The following RGS5 variants were observed in gnomAD, a reference collection of about 807,000 sequenced individuals.
The protein encoded by RGS5 is regulator of G-protein signalling 5.
Under a neutral mutation model 18.9 loss-of-function variants are expected in RGS5, and 20 were observed. That is an observed-to-expected ratio of 1.06 (90% CI 0.74 to 1.54). The LOEUF is 1.54. RGS5 is among the 40% of genes most tolerant of loss of function. RGS5 has a pLI of 0.00. For synonymous variants in RGS5, 57 were observed against 76.2 expected (o/e 0.75, Z 1.31); for missense variants, 201 against 211.8 (o/e 0.95, Z 0.32).
At chr1:163,262,095 A>C (rs1394478090) in intron 2 of RGS5, among the ~76,000 whole-genome samples, 1 of 150,812 alleles carries the variant, frequency 6.6e-6, no homozygotes, top group Non-Finnish European at 1.5e-5. Context: ...TTAGTACTGG[A>C]ATTGAGAAGC....
At chr1:163,203,045 A>T, upstream of RGS5, 1 of 539,456 alleles carries the variant, frequency 1.9e-6, no homozygotes. Flanking sequence ...GAGGTGGAGG[A>T]GGGAATCCTT....
intron 2 of RGS5, among the ~76,000 whole-genome samples, chr1:163,278,575 T>TA (rs1487686288): frequency 6.6e-6 from 1 of 151,450 alleles, no homozygotes; most frequent in Non-Finnish European, 1.5e-5. Context: ...AAAAGAAGGG[T>TA]AAAAAATCAA....
intron 2 of RGS5, among the ~76,000 whole-genome samples, chr1:163,253,926 T>A (rs1436139943): frequency 6.6e-6 from 1 of 151,900 alleles, no homozygotes; most frequent in Non-Finnish European, 1.5e-5. Context: ...TTGCGATAGT[T>A]TACTGAGAAT....
At chr1:163,182,513 T>G (rs1189074903) in intron 1 of RGS5, among the ~76,000 whole-genome samples, 1 of 152,196 alleles carries the variant, frequency 6.6e-6, no homozygotes, top group Non-Finnish European at 1.5e-5. Flanking sequence ...GTCTCTGACA[T>G]GCTATCCCTC....
In RGS5 at chr1:163,279,507, G is replaced by A. The variant is rs1282510826; in HGVS notation, c.-281+26726C>T. Among the ~76,000 whole-genome samples, 18 of 151,788 alleles carry A rather than the reference G, an allele frequency of 1.2e-4. 1 individual carries two copies. The highest frequency in any genetic ancestry group is 4.8e-5 in the African/African-American group (2 of 41,378). On this transcript the variant is annotated intron_variant, in intron 2 of 5. Coordinates refer to the RGS5 transcript ENST00000618415. ...AAAAGCACAACATATAAAAACCTATGGGGCATAGCAAAAGCAGTCCTAAGA... is the reference window on the plus strand; with the variant it reads ...AAAAGCACAACATATAAAAACCTATAGGGCATAGCAAAAGCAGTCCTAAGA...
chr1:163,167,567 A>C (rs1408414232), intron 2 of RGS5, among the ~76,000 whole-genome samples: 1 of 152,188 alleles, frequency 6.6e-6, no homozygotes, highest in East Asian at 1.9e-4. Flanking sequence ...AGGATGCCTA[A>C]ATTGACAGGA....
At chr1:163,174,704 A>C (rs1037299499) in intron 1 of RGS5, among the ~76,000 whole-genome samples, 6 of 152,234 alleles carry the variant, frequency 3.9e-5, no homozygotes, top group African/African-American at 1.4e-4. Context: ...AATCACTAGC[A>C]ATCTGAAAAG....
At chr1:163,217,918 T>A (rs1660253149), upstream of RGS5, among the ~76,000 whole-genome samples, 1 of 152,150 alleles carries the variant, frequency 6.6e-6, no homozygotes, top group African/African-American at 2.4e-5. Context: ...GCAGAACTGA[T>A]TGGACGCAAG....
intron 2 of RGS5, chr1:163,300,481 C>T (rs1649526335): frequency 1.3e-5 from 2 of 152,226 alleles, no homozygotes; most frequent in Admixed American, 1.3e-4. Flanking sequence ...ACCAGGTTAT[C>T]AAGTCCTAAA....
chr1:163,237,033 T>C (rs1015736778), intron 2 of RGS5, among the ~76,000 whole-genome samples: 6 of 151,384 alleles, frequency 4.0e-5, no homozygotes, highest in South Asian at 2.1e-4. Context: ...AAAAGGCACA[T>C]TGAAACCACA....
At chr1:163,192,177 T>C (rs528268842) in intron 1 of RGS5, among the ~76,000 whole-genome samples, 2 of 152,320 alleles carry the variant, frequency 1.3e-5, no homozygotes, top group East Asian at 1.9e-4. Context: ...TATAAATTAT[T>C]GAAGCTAAAG....
intron 1 of RGS5, among the ~76,000 whole-genome samples, chr1:163,215,849 G>A (rs1291682205): frequency 1.3e-5 from 2 of 152,084 alleles, no homozygotes; most frequent in Non-Finnish European, 2.9e-5. Context: ...AGGATCACTA[G>A]AGGCCAGAAG....
intron 2 of RGS5, among the ~76,000 whole-genome samples, chr1:163,247,731 C>T (rs1485971735): frequency 1.3e-5 from 2 of 151,850 alleles, no homozygotes; most frequent in Non-Finnish European, 2.9e-5. Context: ...GGGCACTTCC[C>T]CCTCAGTGAT....
At chr1:163,281,905 T>C (rs1301381824) in intron 2 of RGS5, among the ~76,000 whole-genome samples, 3 of 152,126 alleles carry the variant, frequency 2.0e-5, no homozygotes, top group Admixed American at 6.5e-5. Context: ...TCTAACCATA[T>C]ACAAAAATCA....
intron 2 of RGS5, among the ~76,000 whole-genome samples, chr1:163,268,191 T>G (rs1648616714): frequency 6.6e-6 from 1 of 152,050 alleles, no homozygotes; most frequent in Non-Finnish European, 1.5e-5. Flanking sequence ...AAATACACAG[T>G]TGTTCCAGAC....
rs1317879549 is a variant in RGS5, at chr1:163,256,285, AC to A, written c.-281+49947del. ...AAGTCTCAGGATACAAAATCAATGT[AC>A]AAAAATCACAAGCATTCTTATACAC... On this transcript the variant is annotated intron_variant, in intron 2 of 5. Coordinates refer to the RGS5 transcript ENST00000618415. 4.0e-5 allele frequency among the ~76,000 whole-genome samples: 6 copies of A among 151,072 alleles called. No individual in the cohort carries two copies. The East Asian group carries it at 1.2e-3, about 29-fold the overall frequency.
In RGS5 at chr1:163,161,932, T is replaced by C. The variant is rs2102393693; in HGVS notation, c.200A>G (p.Lys67Arg). ...EALQWRDSLDKLLQNNYGLAS... is the reference protein window; with the variant it reads ...EALQWRDSLDRLLQNNYGLAS... ...AAACTTACAGTTGTTCTGCAGGAGT[T>C]TGTCCAGGGAATCACGCCACTGCAG... The change falls in exon 3 of 5, where the codon AAA becomes AGA. Residue 67 changes from lysine (K) to arginine (R), a missense_variant. Lys to Arg is a conservative substitution (Grantham distance 26). Transcript: ENST00000313961. The C allele has an allele frequency of 1.2e-6, 2 of 1,613,294 alleles. No individual in the cohort carries two copies. The highest frequency in any genetic ancestry group is 1.7e-6 in the Non-Finnish European group (2 of 1,179,348).
At chr1:163,251,569 C>A (rs1399015692) in intron 2 of RGS5, among the ~76,000 whole-genome samples, 1 of 152,020 alleles carries the variant, frequency 6.6e-6, no homozygotes, top group Non-Finnish European at 1.5e-5. Flanking sequence ...TTCACTTATC[C>A]CAAAGTGATC....
chr1:163,187,388 G>A (rs561063417), intron 1 of RGS5, among the ~76,000 whole-genome samples: 1 of 152,198 alleles, frequency 6.6e-6, no homozygotes, highest in South Asian at 2.1e-4. Flanking sequence ...ACAGTTCCTG[G>A]TTCATAACTC....
Sources: gnomAD v4.1 joint callset for allele counts (sites outside exome capture counted in the v4.1 genomes callset) on GRCh38, gnomAD v4.1.1 for gene constraint, MANE v1.5 for transcripts, NCBI Gene and HGNC (gene_info 2026-07-23, HGNC 2026-07-21) for gene names.